Variants in MDGA2 observed in about 807,000 individuals in gnomAD.
MDGA2 encodes the protein MAM domain containing glycosylphosphatidylinositol anchor 2, also known as MAM domain-containing glycosylphosphatidylinositol anchor protein 2.
Under a neutral mutation model 117.8 loss-of-function variants are expected in MDGA2, and 40 were observed. That is an observed-to-expected ratio of 0.34 (90% CI 0.26 to 0.44). MDGA2 has a LOEUF of 0.44. MDGA2 is among the 20% of genes least tolerant of loss of function. The pLI is 1.00. For missense variants in MDGA2, 1,123 were observed against 1,250.6 expected (o/e 0.90, Z 1.54); for synonymous variants, 452 against 439.0 (o/e 1.03, Z -0.37).
intron 1 of MDGA2, among the ~76,000 whole-genome samples, chr14:47,548,737 T>C (rs1471029123): frequency 6.6e-6 from 1 of 152,144 alleles, no homozygotes; most frequent in Non-Finnish European, 1.5e-5. Flanking sequence ...TTTCTGGGCA[T>C]GCACACAACC....
At position 47,490,184 on chromosome 14, in the gene MDGA2, G is replaced by T. The variant is rs570626490; in HGVS notation, c.280+184333C>A. On this transcript the variant is annotated intron_variant, in intron 1 of 16. Coordinates refer to ENST00000399232, the MANE Select transcript of MDGA2 (RefSeq NM_001113498.3). ...AACTGTGTAAAGATTCCAACTCTTGGGGTTAGCTCATATAAAGTATTTTTG... is the reference window on the plus strand; with the variant it reads ...AACTGTGTAAAGATTCCAACTCTTGTGGTTAGCTCATATAAAGTATTTTTG... Among the ~76,000 whole-genome samples the T allele has an allele frequency of 1.3e-4, 20 of 152,040 alleles. No individual in the cohort carries two copies. In the East Asian group the frequency reaches 3.9e-3, roughly 29 times the overall value.
At chr14:47,448,275 A>G (rs1023988044) in intron 1 of MDGA2, among the ~76,000 whole-genome samples, 27 of 151,832 alleles carry the variant, frequency 1.8e-4, no homozygotes, top group Admixed American at 6.6e-5. Context: ...CTCAACTGGG[A>G]TTACAAGCAT....
At chr14:47,243,404 G>A (rs918060556) in intron 2 of MDGA2, among the ~76,000 whole-genome samples, 3 of 151,412 alleles carry the variant, frequency 2.0e-5, no homozygotes, top group Admixed American at 2.0e-4. Flanking sequence ...CAACCTGCTG[G>A]GGTCCCCTTC....
intron 1 of MDGA2, among the ~76,000 whole-genome samples, chr14:47,571,702 A>C (rs1201207926): frequency 6.6e-6 from 1 of 151,282 alleles, no homozygotes; most frequent in Admixed American, 6.6e-5. Flanking sequence ...GGAATTGATC[A>C]ATGAGAACAC....
chr14:46,931,214 CAA>C (rs34493526), intron 9 of MDGA2, among the ~76,000 whole-genome samples: 129 of 76,268 alleles, frequency 1.7e-3, no homozygotes, highest in South Asian at 0.014. Context: ...GACTACATCT[CAA>C]AAAAAAAAAA....
Position 47,113,460 on chromosome 14 carries a change from A to G in MDGA2, c.926-16337T>C, listed in dbSNP as rs552007520. On this transcript the variant is annotated intron_variant, in intron 5 of 16. Transcript: ENST00000399232. ...CAAAACCTGGCAGAGATACAATAAA[A>G]AAAGGAAACTGCAGGCCAATATCTC... is the stretch of plus-strand genomic sequence containing the variant. 5.9e-5 allele frequency among the ~76,000 whole-genome samples: 9 copies of G among 152,312 alleles called. No individual in the cohort carries two copies. The South Asian group carries it at 1.7e-3, about 28-fold the overall frequency.
chr14:47,272,849 G>GGT (rs912777174), intron 2 of MDGA2, among the ~76,000 whole-genome samples: 1 of 152,124 alleles, frequency 6.6e-6, no homozygotes, highest in African/African-American at 2.4e-5. Context: ...ATATGAGGTA[G>GGT]GTGTTTGCTA....
At chr14:47,650,926 G>A (rs1897628742) in intron 1 of MDGA2, among the ~76,000 whole-genome samples, 1 of 152,014 alleles carries the variant, frequency 6.6e-6, no homozygotes, top group Non-Finnish European at 1.5e-5. Flanking sequence ...GTCACTCAAT[G>A]ATTCACCAAA....
At chr14:47,162,924 C>T (rs915642547) in intron 3 of MDGA2, among the ~76,000 whole-genome samples, 2 of 152,176 alleles carry the variant, frequency 1.3e-5, no homozygotes, top group East Asian at 1.9e-4. Flanking sequence ...CACATGCACT[C>T]GAATGAATGT....
chr14:47,507,516 C>T (rs1894539473), intron 1 of MDGA2, among the ~76,000 whole-genome samples: 1 of 152,098 alleles, frequency 6.6e-6, no homozygotes. Flanking sequence ...TTCACATAGC[C>T]ATGTTTGATC....
At chr14:47,200,109 T>C (rs1885435199) in intron 3 of MDGA2, among the ~76,000 whole-genome samples, 1 of 152,034 alleles carries the variant, frequency 6.6e-6, no homozygotes, top group African/African-American at 2.4e-5. Context: ...TATATATTTA[T>C]ATATTTACTT....
At chr14:47,088,520 T>C (rs1440643902) in intron 6 of MDGA2, among the ~76,000 whole-genome samples, 2 of 152,176 alleles carry the variant, frequency 1.3e-5, no homozygotes, top group Admixed American at 6.5e-5. Context: ...AAAATTAAAT[T>C]TGATGAATCT....
intron 1 of MDGA2, among the ~76,000 whole-genome samples, chr14:47,411,616 G>T (rs1892373962): frequency 6.6e-6 from 1 of 152,146 alleles, no homozygotes; most frequent in Non-Finnish European, 1.5e-5. Context: ...AGGACCAGAA[G>T]ATAGGAAAAT....
Position 47,455,800 on chromosome 14 carries a change from C to A in MDGA2, c.281-154250G>T, listed in dbSNP as rs150333952. Among the ~76,000 whole-genome samples, 124 of 151,994 alleles carry A rather than the reference C, an allele frequency of 8.2e-4. 2 individuals carry two copies. The East Asian group carries it at 0.015, about 18-fold the overall frequency. On this transcript the variant is annotated intron_variant, in intron 1 of 16. Coordinates refer to ENST00000399232, the MANE Select transcript of MDGA2 (RefSeq NM_001113498.3). ...CCACCTGAGGTTAGGAGTTCAAGTC[C>A]AGCCTGGACAACATGGTGAAACCCT...
intron 3 of MDGA2, among the ~76,000 whole-genome samples, chr14:47,177,483 G>A (rs1884516254): frequency 6.6e-6 from 1 of 152,140 alleles, no homozygotes; most frequent in Non-Finnish European, 1.5e-5. Flanking sequence ...AAAAAATGAT[G>A]AGTTCATGTC....
At chr14:47,282,978 T>A (rs1198192861) in intron 2 of MDGA2, among the ~76,000 whole-genome samples, 1 of 152,134 alleles carries the variant, frequency 6.6e-6, no homozygotes, top group Non-Finnish European at 1.5e-5. Flanking sequence ...ATACATTTTT[T>A]AAATGGAAAG....
chr14:47,226,288 T>C (rs994560323), intron 2 of MDGA2, among the ~76,000 whole-genome samples: 1 of 151,960 alleles, frequency 6.6e-6, no homozygotes. Flanking sequence ...AACAAGGGAT[T>C]CACAAAGTAG....
chr14:47,261,303 T>C (rs1233797765), intron 2 of MDGA2, among the ~76,000 whole-genome samples: 1 of 152,146 alleles, frequency 6.6e-6, no homozygotes. Context: ...TAGAATCTTT[T>C]ACAACTGCAT....
At chr14:47,286,601 T>A (rs955787778) in intron 2 of MDGA2, among the ~76,000 whole-genome samples, 3 of 152,012 alleles carry the variant, frequency 2.0e-5, no homozygotes, top group South Asian at 2.1e-4. Context: ...CATTGTGTGT[T>A]TATACACTAC....
Sources: gnomAD v4.1 joint callset for allele counts (sites outside exome capture counted in the v4.1 genomes callset) on GRCh38, gnomAD v4.1.1 for gene constraint, MANE v1.5 for transcripts, NCBI Gene and HGNC (gene_info 2026-07-23, HGNC 2026-07-21) for gene names.